The following CCDC3 variants were observed in gnomAD, a reference collection of about 807,000 sequenced individuals.
CCDC3 encodes coiled-coil domain containing 3.
Under a neutral mutation model 21.4 loss-of-function variants are expected in CCDC3, and 24 were observed. That is an observed-to-expected ratio of 1.12 (90% CI 0.81 to 1.58). The LOEUF (loss-of-function observed/expected upper bound fraction) is 1.58. CCDC3 is among the 40% of genes most tolerant of loss of function. CCDC3 has a pLI of 0.00. For synonymous variants in CCDC3, 186 were observed against 166.0 expected (o/e 1.12, Z -0.93); for missense variants, 425 against 360.9 (o/e 1.18, Z -1.44).
intron 2 of CCDC3, among the ~76,000 whole-genome samples, chr10:12,942,593 T>C (rs898332384): frequency 5.3e-5 from 8 of 152,152 alleles, no homozygotes; most frequent in African/African-American, 1.9e-4. Context: ...ACATGTACAG[T>C]AATGAAGCAG....
Position 12,959,889 on chromosome 10 carries a change from C to G in CCDC3, c.549+38449G>C, listed in dbSNP as rs189139154. Among the ~76,000 whole-genome samples, 185 of 152,322 alleles carry G rather than the reference C, an allele frequency of 1.2e-3. 2 individuals carry two copies. Among genetic ancestry groups the G allele is most frequent in the Admixed American group, 1.0e-2 (153 of 15,302 alleles). ...GGTTTCCTGGCCAGACACAGTGGCT[C>G]ACACCTGTAATCCCAGCACCTTGGG... On this transcript the variant is annotated intron_variant, in intron 2 of 2. Coordinates refer to ENST00000378825, the MANE Select transcript of CCDC3 (RefSeq NM_031455.4).
At chr10:13,000,938 C>T (rs761485108) in intron 1 of CCDC3, among the ~76,000 whole-genome samples, 3 of 152,218 alleles carry the variant, frequency 2.0e-5, no homozygotes, top group Non-Finnish European at 4.4e-5. Context: ...GAGCTTCTGT[C>T]TGCAATGCTC....
At chr10:13,058,777 A>G (rs1836714933) in intron 4 of CCDC3, 1 of 206,470 alleles carries the variant, frequency 4.8e-6, no homozygotes, top group Non-Finnish European at 9.8e-6. Context: ...TAAATTAACA[A>G]GCAGGACTTG....
In CCDC3 at chr10:13,091,820, C is replaced by CA. The variant is rs5783305; in HGVS notation, c.-503+6704dup. On this transcript the variant is annotated intron_variant, in intron 3 of 6. Coordinates refer to the CCDC3 transcript ENST00000378839. The stretch of plus-strand genomic sequence containing the variant: ...CAAGCTTACTGAGAAAAGCCCAATC[C>CA]AAAAAAAAAAAAAAAAAAAAATTCC... 5.1e-3 allele frequency among the ~76,000 whole-genome samples: 653 copies of CA among 127,312 alleles called. 6 individuals carry two copies. Among genetic ancestry groups the CA allele is most frequent in the African/African-American group, 0.014 (468 of 33,594 alleles). The allele number at this position is 127,312 out of a possible 152,430, so 83.5% of individuals were successfully genotyped here.
At position 13,032,131 on chromosome 10, in the gene CCDC3, AG is replaced by A. The variant is rs575709986; in HGVS notation, c.-2+17542del. Among the ~76,000 whole-genome samples, 114 of 152,094 alleles carry A rather than the reference AG, an allele frequency of 7.5e-4. 1 individual carries two copies. The highest frequency in any genetic ancestry group is 2.4e-3 in the African/African-American group (101 of 41,480). On this transcript the variant is annotated intron_variant, in intron 5 of 6. Transcript: ENST00000378839. ...AACCGAACCCAGCAGCACATCAAAA[AG>A]CTTATCCACCACAATCAAATTGGCT...
At chr10:13,079,050 G>A (rs1392547235) in intron 3 of CCDC3, among the ~76,000 whole-genome samples, 1 of 152,102 alleles carries the variant, frequency 6.6e-6, no homozygotes, top group Non-Finnish European at 1.5e-5. Context: ...TTATTCAGGT[G>A]TGTTGTCACC....
chr10:13,027,526 C>T (rs1420159196), intron 5 of CCDC3, among the ~76,000 whole-genome samples: 1 of 151,990 alleles, frequency 6.6e-6, no homozygotes, highest in Non-Finnish European at 1.5e-5. Context: ...ATTCACTGAG[C>T]AACCGCCATA....
chr10:12,957,633 G>A (rs1361453489), intron 2 of CCDC3, among the ~76,000 whole-genome samples: 1 of 152,126 alleles, frequency 6.6e-6, no homozygotes, highest in Admixed American at 6.5e-5. Context: ...TCACGATAGT[G>A]AGAGTTCTCT....
chr10:13,085,956 G>C (rs1199202984), intron 3 of CCDC3, among the ~76,000 whole-genome samples: 1 of 145,198 alleles, frequency 6.9e-6, no homozygotes, highest in Non-Finnish European at 1.5e-5. Flanking sequence ...GACAGAGAGA[G>C]ACTCCCTCTT....
chr10:12,970,357 G>A (rs541023904), intron 2 of CCDC3, among the ~76,000 whole-genome samples: 1 of 151,906 alleles, frequency 6.6e-6, no homozygotes, highest in East Asian at 1.9e-4. Context: ...TTCAACTTAC[G>A]GTGGGTTTAT....
chr10:13,074,480 C>T (rs1836935386), intron 3 of CCDC3, among the ~76,000 whole-genome samples: 1 of 151,456 alleles, frequency 6.6e-6, no homozygotes, highest in African/African-American at 2.4e-5. Context: ...GCCACCACAA[C>T]CGGCGGAATC....
At chr10:12,989,821 T>C (rs1383262520) in intron 2 of CCDC3, among the ~76,000 whole-genome samples, 2 of 152,144 alleles carry the variant, frequency 1.3e-5, no homozygotes, top group East Asian at 3.9e-4. Context: ...TTTGCGCTGC[T>C]GGTGCAACAG....
chr10:12,929,478 T>G (rs1210918056), intron 2 of CCDC3, among the ~76,000 whole-genome samples: 1 of 152,152 alleles, frequency 6.6e-6, no homozygotes, highest in African/African-American at 2.4e-5. Context: ...CCTCAGTGGC[T>G]CTAACACTCT....
chr10:13,080,184 G>A (rs558803902), intron 3 of CCDC3, among the ~76,000 whole-genome samples: 3 of 151,988 alleles, frequency 2.0e-5, no homozygotes, highest in Admixed American at 6.5e-5. Flanking sequence ...GAGAGGAAAC[G>A]GGATGGCAAA....
chr10:13,092,059 A>G (rs758904539), intron 3 of CCDC3, among the ~76,000 whole-genome samples: 9 of 152,326 alleles, frequency 5.9e-5, no homozygotes, highest in Non-Finnish European at 1.2e-4. Flanking sequence ...GAAAGAGTGC[A>G]GGGTGCAGAT....
chr10:13,020,157 T>G (rs1836126574), intron 5 of CCDC3, among the ~76,000 whole-genome samples: 1 of 152,198 alleles, frequency 6.6e-6, no homozygotes, highest in Non-Finnish European at 1.5e-5. Context: ...AGAAGGGACA[T>G]AAAACCAAAT....
intron 2 of CCDC3, among the ~76,000 whole-genome samples, chr10:12,974,224 T>C (rs78590173): frequency 0.012 from 1,762 of 152,316 alleles, 34 homozygotes; most frequent in East Asian, 0.047. Context: ...ACTCATCACA[T>C]GCAGAAGACA....
chr10:12,909,779 C>T (rs560658931), intron 2 of CCDC3, among the ~76,000 whole-genome samples: 4 of 152,214 alleles, frequency 2.6e-5, no homozygotes, highest in Non-Finnish European at 5.9e-5. Context: ...GCTCCCTCCC[C>T]ACTGGTGCTA....
At chr10:13,090,174 C>T (rs1403588271) in intron 3 of CCDC3, among the ~76,000 whole-genome samples, 1 of 150,036 alleles carries the variant, frequency 6.7e-6, no homozygotes, top group Non-Finnish European at 1.5e-5. Context: ...CTGCAATCTC[C>T]ACCACCTAGG....
Sources: allele counts gnomAD v4.1 joint callset (sites outside exome capture counted in the v4.1 genomes callset), GRCh38; gene constraint gnomAD v4.1.1; transcripts MANE v1.5; gene names NCBI Gene and HGNC (gene_info 2026-07-23, HGNC 2026-07-21).